The following DLGAP1 variants were observed in gnomAD, a reference collection of about 807,000 sequenced individuals.
The protein encoded by DLGAP1 is DLG associated protein 1, also known as disks large-associated protein 1.
Under a neutral mutation model 90.8 loss-of-function variants are expected in DLGAP1, and 11 were observed. The ratio of observed to expected loss-of-function variants is 0.12; its 90% CI spans 0.08 to 0.20. The LOEUF (loss-of-function observed/expected upper bound fraction) is 0.20, where lower values mean the gene tolerates loss of function less well. Among genes scored for constraint, DLGAP1 ranks in the 10% least tolerant of loss-of-function variants. The probability of loss-of-function intolerance (pLI) is 1.00; values close to 1 mark genes in which losing one functional copy is unlikely to be tolerated. For missense variants in DLGAP1, 1,050 were observed against 1,333.8 expected (o/e 0.79, Z 3.31); for synonymous variants, 558 against 540.7 (o/e 1.03, Z -0.44).
chr18:3,633,393 C>T (rs1027998004), intron 7 of DLGAP1, among the ~76,000 whole-genome samples: 13 of 139,298 alleles, frequency 9.3e-5, no homozygotes, highest in African/African-American at 3.6e-4. Flanking sequence ...CAGAGCTAGA[C>T]TTCATCTCAA....
intron 1 of DLGAP1, among the ~76,000 whole-genome samples, chr18:4,282,249 A>G (rs2079570795): frequency 6.6e-6 from 1 of 151,970 alleles, no homozygotes; most frequent in Non-Finnish European, 1.5e-5. Context: ...CTGTAGTCTC[A>G]GCTACTCGGG....
chr18:4,364,862 T>C (rs1001575394), intron 1 of DLGAP1, among the ~76,000 whole-genome samples: 3 of 152,202 alleles, frequency 2.0e-5, no homozygotes, highest in Non-Finnish European at 4.4e-5. Context: ...TGTATCTTTG[T>C]TCTCATTCAT....
intron 1 of DLGAP1, among the ~76,000 whole-genome samples, chr18:4,219,564 C>T (rs1007197095): frequency 8.5e-5 from 13 of 152,068 alleles, no homozygotes; most frequent in African/African-American, 2.4e-4. Flanking sequence ...ACCAATGTTA[C>T]GGAGATTTCC....
intron 6 of DLGAP1, among the ~76,000 whole-genome samples, chr18:3,730,236 G>C (rs1455200948): frequency 6.6e-6 from 1 of 152,148 alleles, no homozygotes. Flanking sequence ...CTGGGCAACA[G>C]AGAGAGATCT....
At chr18:3,663,680 T>C (rs2059768099) in intron 7 of DLGAP1, among the ~76,000 whole-genome samples, 1 of 152,206 alleles carries the variant, frequency 6.6e-6, no homozygotes, top group Admixed American at 6.5e-5. Context: ...AGTTACCATA[T>C]TGCTACTGAT....
chr18:3,676,313 T>A (rs1376318327), intron 7 of DLGAP1, among the ~76,000 whole-genome samples: 4 of 152,210 alleles, frequency 2.6e-5, no homozygotes, highest in Admixed American at 6.5e-5. Context: ...ATTATGTAAA[T>A]CAGACACCGC....
intron 1 of DLGAP1, among the ~76,000 whole-genome samples, chr18:4,343,660 G>A (rs933409740): frequency 6.6e-6 from 1 of 151,870 alleles, no homozygotes; most frequent in Non-Finnish European, 1.5e-5. Flanking sequence ...GGGGTCGGGG[G>A]CTAGGGGAGG....
At chr18:3,924,197 GA>G (rs2072330881) in intron 3 of DLGAP1, among the ~76,000 whole-genome samples, 1 of 152,200 alleles carries the variant, frequency 6.6e-6, no homozygotes, top group Non-Finnish European at 1.5e-5. Context: ...CATCGCCATA[GA>G]ATCACTGCTG....
chr18:4,240,792 A>C (rs921576919), intron 1 of DLGAP1, among the ~76,000 whole-genome samples: 4 of 152,206 alleles, frequency 2.6e-5, no homozygotes, highest in Non-Finnish European at 4.4e-5. Flanking sequence ...AAAAGTTTCA[A>C]ATCTCTTCCA....
At chr18:4,420,345 A>G (rs1311163306) in intron 1 of DLGAP1, among the ~76,000 whole-genome samples, 1 of 152,246 alleles carries the variant, frequency 6.6e-6, no homozygotes, top group Non-Finnish European at 1.5e-5. Context: ...TCACATTTAT[A>G]GACCACTCCT....
chr18:3,522,581 C>T (rs1339534780), intron 10 of DLGAP1, among the ~76,000 whole-genome samples: 3 of 118,696 alleles, frequency 2.5e-5, no homozygotes, highest in South Asian at 2.6e-4. Context: ...CTCATTCTGT[C>T]GCCCAGGCTG....
At chr18:4,186,341 A>C (rs974856395) in intron 1 of DLGAP1, among the ~76,000 whole-genome samples, 1 of 152,130 alleles carries the variant, frequency 6.6e-6, no homozygotes, top group African/African-American at 2.4e-5. Flanking sequence ...CTTTGTCATC[A>C]ATCTCTGCTA....
intron 3 of DLGAP1, among the ~76,000 whole-genome samples, chr18:3,954,403 T>C (rs956502905): frequency 6.6e-6 from 1 of 152,226 alleles, no homozygotes; most frequent in Non-Finnish European, 1.5e-5. Flanking sequence ...CTTATTTTAA[T>C]TGACACATTT....
chr18:3,764,147 A>T (rs1026812072), intron 5 of DLGAP1, among the ~76,000 whole-genome samples: 4 of 152,248 alleles, frequency 2.6e-5, no homozygotes, highest in African/African-American at 9.6e-5. Context: ...AAGGATTATT[A>T]TAACAATTAC....
intron 2 of DLGAP1, among the ~76,000 whole-genome samples, chr18:4,062,794 A>G (rs2075317033): frequency 6.6e-6 from 1 of 152,066 alleles, no homozygotes; most frequent in Non-Finnish European, 1.5e-5. Context: ...AGTCCCATCA[A>G]TTGTTTTAAC....
At chr18:4,113,641 G>A (rs918672331) in intron 2 of DLGAP1, among the ~76,000 whole-genome samples, 1 of 151,986 alleles carries the variant, frequency 6.6e-6, no homozygotes, top group Non-Finnish European at 1.5e-5. Flanking sequence ...ACCAATTTTG[G>A]TTTTAGTTGC....
intron 2 of DLGAP1, among the ~76,000 whole-genome samples, chr18:4,015,008 G>A (rs916486026): frequency 1.3e-5 from 2 of 152,142 alleles, no homozygotes; most frequent in Non-Finnish European, 2.9e-5. Flanking sequence ...AGACTCTTGC[G>A]AGAACATGCC....
intron 8 of DLGAP1, among the ~76,000 whole-genome samples, chr18:3,576,566 C>T (rs1349162602): frequency 7.4e-6 from 1 of 135,926 alleles, no homozygotes; most frequent in Admixed American, 7.5e-5. Context: ...GCTCCAGCTC[C>T]TTTTTTTTTT....
chr18:3,563,082 C>T (rs2054235250), intron 9 of DLGAP1, among the ~76,000 whole-genome samples: 1 of 152,152 alleles, frequency 6.6e-6, no homozygotes, highest in African/African-American at 2.4e-5. Context: ...CCACCTCAGC[C>T]TCCCAAAATT....
Sources: gnomAD v4.1 joint callset for allele counts (sites outside exome capture counted in the v4.1 genomes callset) on GRCh38, gnomAD v4.1.1 for gene constraint, MANE v1.5 for transcripts, NCBI Gene and HGNC (gene_info 2026-07-23, HGNC 2026-07-21) for gene names.